Variants in SLC24A3 observed in about 807,000 individuals in gnomAD.
The protein encoded by SLC24A3 is solute carrier family 24 member 3, also known as sodium/potassium/calcium exchanger 3.
SLC24A3 carries 28 observed loss-of-function variants against 75.8 expected under a neutral mutation model. That is an observed-to-expected ratio of 0.37 (90% CI 0.27 to 0.51). SLC24A3 has a LOEUF of 0.51. Among genes scored for constraint, SLC24A3 ranks in the 20% least tolerant of loss-of-function variants. The pLI, the probability that SLC24A3 is intolerant of heterozygous loss-of-function variation, is 0.94. For missense variants in SLC24A3, 663 were observed against 847.8 expected (o/e 0.78, Z 2.71); for synonymous variants, 372 against 334.1 (o/e 1.11, Z -1.24).
At chr20:19,566,430 G>A (rs1452404467) in intron 3 of SLC24A3, among the ~76,000 whole-genome samples, 2 of 152,168 alleles carry the variant, frequency 1.3e-5, no homozygotes, top group Non-Finnish European at 2.9e-5. Flanking sequence ...TTGAGGTCAT[G>A]GCCCAGGCAG....
At chr20:19,348,098 A>G (rs1169810824) in intron 2 of SLC24A3, among the ~76,000 whole-genome samples, 2 of 152,232 alleles carry the variant, frequency 1.3e-5, no homozygotes, top group Non-Finnish European at 2.9e-5. Flanking sequence ...AGCAGGTCAC[A>G]ACAAGGTGGC....
intron 1 of SLC24A3, among the ~76,000 whole-genome samples, chr20:19,217,028 A>G (rs1012184856): frequency 6.6e-6 from 1 of 152,216 alleles, no homozygotes; most frequent in African/African-American, 2.4e-5. Context: ...GAACACCCAC[A>G]CGTGGCCTCT....
chr20:19,490,133 C>G (rs1253169964), intron 2 of SLC24A3, among the ~76,000 whole-genome samples: 2 of 152,172 alleles, frequency 1.3e-5, no homozygotes, highest in Non-Finnish European at 2.9e-5. Context: ...GAACTGTTGC[C>G]AGTTCATTCA....
chr20:19,691,742 G>A (rs1265951447), intron 12 of SLC24A3, among the ~76,000 whole-genome samples: 1 of 152,172 alleles, frequency 6.6e-6, no homozygotes, highest in Non-Finnish European at 1.5e-5. Flanking sequence ...TGACTCCCAG[G>A]ATTTTGACAG....
chr20:19,264,741 A>AC lies in SLC24A3; in HGVS notation c.143-16218_143-16217insC, dbSNP rs751481873. ...GAGACTCCATCTCAAAAAAAAAAAA[A>AC]AAAACAAAACAAAAACGTGCAGCCT... On this transcript the variant is annotated intron_variant, in intron 1 of 16. Transcript: ENST00000328041. 7.1e-3 allele frequency among the ~76,000 whole-genome samples: 1,074 copies of AC among 151,190 alleles called. 7 individuals are homozygous for AC. The highest frequency in any genetic ancestry group is 0.013 in the Non-Finnish European group (864 of 67,706).
In SLC24A3 at chr20:19,261,519, A is replaced by AT. The variant is rs376544129; in HGVS notation, c.143-19430dup. Among the ~76,000 whole-genome samples the AT allele has an allele frequency of 2.4e-3, 364 of 148,660 alleles. 1 individual carries two copies. Among genetic ancestry groups the AT allele is most frequent in the African/African-American group, 7.2e-3 (291 of 40,486 alleles). On this transcript the variant is annotated intron_variant, in intron 1 of 16. Coordinates refer to ENST00000328041, the MANE Select transcript of SLC24A3 (RefSeq NM_020689.4). ...CACATTCAGCTATTTTTTTTTAATG[A>AT]TTTTTTTTTTGTAAAGATGGTGTTT...
intron 6 of SLC24A3, among the ~76,000 whole-genome samples, chr20:19,598,730 T>G (rs1346203858): frequency 2.0e-5 from 3 of 152,116 alleles, no homozygotes; most frequent in Admixed American, 6.5e-5. Context: ...ACCCCTGCCC[T>G]TCGTCATTTT....
chr20:19,446,896 A>C (rs1987396922), intron 2 of SLC24A3, among the ~76,000 whole-genome samples: 2 of 152,124 alleles, frequency 1.3e-5, no homozygotes, highest in South Asian at 4.2e-4. Context: ...AGATTATCCC[A>C]CTTTGTGTCA....
At chr20:19,273,888 C>T (rs1212505274) in intron 1 of SLC24A3, among the ~76,000 whole-genome samples, 1 of 151,606 alleles carries the variant, frequency 6.6e-6, no homozygotes, top group Non-Finnish European at 1.5e-5. Flanking sequence ...TCACAGGCAT[C>T]ACCTCTTAAC....
chr20:19,618,580 T>C (rs1281031232), intron 6 of SLC24A3, among the ~76,000 whole-genome samples: 3 of 152,176 alleles, frequency 2.0e-5, no homozygotes, highest in Admixed American at 2.0e-4. Context: ...CTTCAACATA[T>C]GAATGTTGGG....
chr20:19,704,550 T>A (rs1364346394), intron 15 of SLC24A3, among the ~76,000 whole-genome samples: 1 of 152,154 alleles, frequency 6.6e-6, no homozygotes, highest in African/African-American at 2.4e-5. Context: ...CGTGAACAAA[T>A]GCCTGATTGC....
intron 2 of SLC24A3, among the ~76,000 whole-genome samples, chr20:19,379,889 A>C (rs1986152495): frequency 6.6e-6 from 1 of 152,240 alleles, no homozygotes; most frequent in Non-Finnish European, 1.5e-5. Flanking sequence ...GAATTGCTAA[A>C]ATAAACCTAT....
At chr20:19,272,900 G>A (rs536861872) in intron 1 of SLC24A3, among the ~76,000 whole-genome samples, 1 of 152,268 alleles carries the variant, frequency 6.6e-6, no homozygotes, top group African/African-American at 2.4e-5. Flanking sequence ...GTCAGGGACG[G>A]GTGATGGAGT....
At chr20:19,467,691 G>T (rs983001410) in intron 2 of SLC24A3, among the ~76,000 whole-genome samples, 1 of 152,070 alleles carries the variant, frequency 6.6e-6, no homozygotes, top group Non-Finnish European at 1.5e-5. Flanking sequence ...GACCAGCCTG[G>T]CCAACATGGT....
intron 3 of SLC24A3, among the ~76,000 whole-genome samples, chr20:19,536,607 G>T (rs564112181): frequency 6.6e-6 from 1 of 152,132 alleles, no homozygotes; most frequent in Admixed American, 6.5e-5. Context: ...GAGGCATCAC[G>T]CTACCTGACT....
intron 1 of SLC24A3, among the ~76,000 whole-genome samples, chr20:19,226,359 A>T (rs1164839600): frequency 6.6e-6 from 1 of 152,162 alleles, no homozygotes; most frequent in Non-Finnish European, 1.5e-5. Flanking sequence ...ATCACACAAG[A>T]TACGGACCTG....
At chr20:19,678,903 C>A (rs1225105760) in intron 9 of SLC24A3, among the ~76,000 whole-genome samples, 1 of 149,864 alleles carries the variant, frequency 6.7e-6, no homozygotes, top group East Asian at 2.0e-4. Flanking sequence ...ACATCCGAAA[C>A]GGAGCGGCGG....
At chr20:19,449,440 G>A (rs1411648119) in intron 2 of SLC24A3, among the ~76,000 whole-genome samples, 1 of 152,226 alleles carries the variant, frequency 6.6e-6, no homozygotes, top group African/African-American at 2.4e-5. Context: ...TTTCCAGGAA[G>A]ATCAACCTGA....
chr20:19,440,118 C>T (rs892417393), intron 2 of SLC24A3, among the ~76,000 whole-genome samples: 12 of 152,222 alleles, frequency 7.9e-5, no homozygotes, highest in Non-Finnish European at 1.6e-4. Flanking sequence ...TGAAAACAGA[C>T]ATCGTTCTAG....
Sources: gnomAD v4.1 joint callset for allele counts (sites outside exome capture counted in the v4.1 genomes callset) on GRCh38, gnomAD v4.1.1 for gene constraint, MANE v1.5 for transcripts, NCBI Gene and HGNC (gene_info 2026-07-23, HGNC 2026-07-21) for gene names.